Variants in PRR23E observed in about 807,000 individuals in gnomAD.
PRR23E encodes the protein proline-rich protein 23E.
the PRR23E span, chr3:127,197,838 GA>G: frequency 6.4e-6 from 1 of 155,524 alleles, no homozygotes; most frequent in Non-Finnish European, 1.4e-5. Flanking sequence ...CCTCAGCAAA[GA>G]CCCTCAGCAG....
chr3:127,196,698 G>A, the PRR23E span: 3 of 1,590,382 alleles, frequency 1.9e-6, no homozygotes, highest in East Asian at 6.7e-5. Context: ...GGGCACAGGT[G>A]CATCAGAGAA....
the PRR23E span, among the ~76,000 whole-genome samples, chr3:127,193,743 T>G: frequency 6.6e-6 from 1 of 152,172 alleles, no homozygotes; most frequent in Non-Finnish European, 1.5e-5. Context: ...TACTAAAGAG[T>G]AAACAACAAA....
chr3:127,197,438 C>T, the PRR23E span: 1 of 1,478,342 alleles, frequency 6.8e-7, no homozygotes, highest in South Asian at 1.4e-5. Flanking sequence ...CCCAGACCCA[C>T]CCAACAATCA....
At chr3:127,197,133 T>A in the PRR23E span, 1 of 1,594,326 alleles carries the variant, frequency 6.3e-7, no homozygotes, top group Non-Finnish European at 8.5e-7. Context: ...CGGGGCCACC[T>A]CCAGCCACTG....
the PRR23E span, chr3:127,196,984 C>T: frequency 6.3e-7 from 1 of 1,599,354 alleles, no homozygotes; most frequent in Non-Finnish European, 8.5e-7. Flanking sequence ...TTGGTGCCTT[C>T]AGTGTGGCTG....
At chr3:127,193,818 A>T in the PRR23E span, among the ~76,000 whole-genome samples, 2 of 152,248 alleles carry the variant, frequency 1.3e-5, no homozygotes, top group African/African-American at 2.4e-5. Context: ...TATCAAATTA[A>T]TTGTAAAAAT....
chr3:127,196,061 C>T, the PRR23E span, among the ~76,000 whole-genome samples: 1 of 152,162 alleles, frequency 6.6e-6, no homozygotes, highest in Non-Finnish European at 1.5e-5. Flanking sequence ...CCAGGAGAAA[C>T]CTGACAGGCC....
the PRR23E span, among the ~76,000 whole-genome samples, chr3:127,194,828 T>G: frequency 1.3e-5 from 2 of 152,318 alleles, no homozygotes; most frequent in South Asian, 4.1e-4. Flanking sequence ...TCATTGTGTG[T>G]CCTTCAGGTC....
the PRR23E span, among the ~76,000 whole-genome samples, chr3:127,196,270 C>G: frequency 6.6e-6 from 1 of 152,186 alleles, no homozygotes; most frequent in African/African-American, 2.4e-5. Context: ...CTTTAACTCT[C>G]CCTCCAGCAG....
the PRR23E span, chr3:127,196,501 C>A: frequency 1.1e-6 from 1 of 944,240 alleles, no homozygotes; most frequent in Non-Finnish European, 1.5e-6. Context: ...GCTCTTCTGT[C>A]ACCTCACCCC....
At chr3:127,197,637 C>T in the PRR23E span, 1 of 418,410 alleles carries the variant, frequency 2.4e-6, no homozygotes, top group Non-Finnish European at 4.2e-6. Context: ...ACCTTTTCTC[C>T]TCCCCAGACT....
the PRR23E span, chr3:127,197,359 C>G: frequency 1.3e-6 from 2 of 1,586,796 alleles, no homozygotes; most frequent in Non-Finnish European, 1.7e-6. Context: ...CCGGGCTGCT[C>G]CCGCTCCTCC....
the PRR23E span, among the ~76,000 whole-genome samples, chr3:127,195,396 C>G: frequency 6.6e-6 from 1 of 152,160 alleles, no homozygotes; most frequent in Non-Finnish European, 1.5e-5. Flanking sequence ...CATGCTCGCC[C>G]TGAGAGTTCT....
chr3:127,196,547 C>A, the PRR23E span: 1 of 1,375,502 alleles, frequency 7.3e-7, no homozygotes, highest in Non-Finnish European at 9.6e-7. Flanking sequence ...TCCTGTGCGA[C>A]CTGGTCTCCC....
the PRR23E span, chr3:127,197,431 A>G: frequency 6.7e-7 from 1 of 1,488,684 alleles, no homozygotes; most frequent in South Asian, 1.4e-5. Context: ...CTCTAGACCC[A>G]GACCCACCCA....
the PRR23E span, chr3:127,197,528 T>C: frequency 1 from 873,462 of 873,906 alleles, 436,513 homozygotes; most frequent in Middle Eastern, 1. Context: ...TTTACTATTC[T>C]TCAGTACAGA....
At chr3:127,194,541 G>T in the PRR23E span, among the ~76,000 whole-genome samples, 1 of 152,310 alleles carries the variant, frequency 6.6e-6, no homozygotes, top group African/African-American at 2.4e-5. Flanking sequence ...GCTACCTTTG[G>T]GCAGTTGAGG....
At chr3:127,195,836 G>A in the PRR23E span, among the ~76,000 whole-genome samples, 4 of 152,268 alleles carry the variant, frequency 2.6e-5, no homozygotes, top group South Asian at 2.1e-4. Flanking sequence ...CATGTACTGC[G>A]CATCAGTTCT....
chr3:127,196,843 C>G, the PRR23E span: 1 of 1,598,370 alleles, frequency 6.3e-7, no homozygotes, highest in Admixed American at 1.7e-5. Flanking sequence ...CAGCCTGTAA[C>G]TGACCTGGCC....
Sources: allele counts gnomAD v4.1 joint callset (sites outside exome capture counted in the v4.1 genomes callset), GRCh38; gene constraint gnomAD v4.1.1; transcripts MANE v1.5; gene names NCBI Gene and HGNC (gene_info 2026-07-23, HGNC 2026-07-21).